Variants in CTNNAL1 observed in about 807,000 individuals in gnomAD.
CTNNAL1 encodes catenin alpha like 1.
CTNNAL1 carries 69 observed loss-of-function variants against 93.6 expected under a neutral mutation model. The observed-to-expected ratio is 0.74, with a 90% confidence interval of 0.61 to 0.90. The LOEUF is 0.90. Among genes scored for constraint, CTNNAL1 ranks in the 40% least tolerant of loss-of-function variants. The probability of loss-of-function intolerance (pLI) is 0.00; values close to 1 mark genes in which losing one functional copy is unlikely to be tolerated. For synonymous variants in CTNNAL1, 286 were observed against 305.4 expected (o/e 0.94, Z 0.66); for missense variants, 836 against 862.0 (o/e 0.97, Z 0.38).
At chr9:108,950,399 A>T in intron 14 of CTNNAL1, 1 of 1,208,330 alleles carries the variant, frequency 8.3e-7, no homozygotes. Context: ...GAAGGAAACC[A>T]CCAAAGGAAT....
intron 11 of CTNNAL1, 73 bp from the exon 12 acceptor site, chr9:108,955,900 A>G: frequency 1.1e-6 from 1 of 937,306 alleles, no homozygotes; most frequent in Non-Finnish European, 1.6e-6. Context: ...GTTAACTTTT[A>G]AAGTATTAAT....
At chr9:109,012,992 C>A (rs1037031746) in intron 1 of CTNNAL1, among the ~76,000 whole-genome samples, 1 of 152,166 alleles carries the variant, frequency 6.6e-6, no homozygotes, top group Non-Finnish European at 1.5e-5. Flanking sequence ...ATCGCCCGGC[C>A]GGGGGCACCC....
At chr9:108,984,108 C>A (rs772804014) in intron 5 of CTNNAL1, among the ~76,000 whole-genome samples, 3 of 152,158 alleles carry the variant, frequency 2.0e-5, no homozygotes, top group Non-Finnish European at 4.4e-5. Context: ...TTCATAGCAC[C>A]TAATACACCA....
intron 1 of CTNNAL1, among the ~76,000 whole-genome samples, chr9:109,006,936 C>T (rs1396846730): frequency 1.3e-5 from 2 of 152,100 alleles, no homozygotes. Context: ...TTGTACCCAT[C>T]AGCCAGGCGT....
chr9:109,006,874 A>G (rs899489652), intron 1 of CTNNAL1, among the ~76,000 whole-genome samples: 1 of 152,210 alleles, frequency 6.6e-6, no homozygotes, highest in African/African-American at 2.4e-5. Context: ...GTGGCAAGCT[A>G]TCTGACCTTT....
At chr9:108,944,538 C>T (rs1830344285) in intron 15 of CTNNAL1, among the ~76,000 whole-genome samples, 1 of 152,102 alleles carries the variant, frequency 6.6e-6, no homozygotes, top group Non-Finnish European at 1.5e-5. Flanking sequence ...TCACTATTCA[C>T]CATGTACCAT....
chr9:108,978,391 T>C (rs1268335033), intron 7 of CTNNAL1, among the ~76,000 whole-genome samples: 1 of 152,252 alleles, frequency 6.6e-6, no homozygotes, highest in Non-Finnish European at 1.5e-5. Context: ...GGAAATCAAC[T>C]GCTCCTTCTT....
intron 12 of CTNNAL1, among the ~76,000 whole-genome samples, chr9:108,954,958 C>T (rs1245515807): frequency 1.4e-5 from 2 of 141,878 alleles, no homozygotes; most frequent in African/African-American, 5.1e-5. Flanking sequence ...TGATAATCAT[C>T]AGTAATTTTA....
Position 108,955,238 on chromosome 9 carries a change from G to A in CTNNAL1, c.1629+552C>T, listed in dbSNP as rs536780350. On this transcript the variant is annotated intron_variant, in intron 12 of 18. Transcript: ENST00000325551. ...TGACCTCAGGTAATCCACCCACCTC[G>A]GCCTCCCAAAGTGCTGGGATTACAG... 4.6e-5 allele frequency among the ~76,000 whole-genome samples: 7 copies of A among 152,016 alleles called. No individual in the cohort carries two copies. In the South Asian group the frequency reaches 6.2e-4, roughly 14 times the overall value.
At chr9:109,006,769 G>A (rs1216803058) in intron 1 of CTNNAL1, among the ~76,000 whole-genome samples, 1 of 152,204 alleles carries the variant, frequency 6.6e-6, no homozygotes. Flanking sequence ...AACAAAGGGT[G>A]TCAAGAAGTG....
chr9:108,972,826 C>CTA lies in CTNNAL1; in HGVS notation c.1194_1195dup (p.Ser399IlefsTer12), dbSNP rs1162408130. ...ATCTGCTGCCAGCTGTGTCGCTGTA[C>CTA]TATGAAGCTGCAGATGTGTGTGTGG... On this transcript the variant is annotated frameshift_variant, in exon 9 of 19. Coordinates refer to ENST00000325551, the MANE Select transcript of CTNNAL1 (RefSeq NM_003798.4). LOFTEE classifies it high-confidence loss of function. The CTA allele has an allele frequency of 3.3e-6, 4 of 1,195,756 alleles. No individual in the cohort carries two copies. Among genetic ancestry groups the CTA allele is most frequent in the Non-Finnish European group, 4.4e-6 (4 of 910,540 alleles). The allele number at this position is 1,195,756 out of a possible 1,614,324, so 74.1% of individuals were successfully genotyped here. A position where few individuals can be genotyped will look rare whatever the true frequency, so the allele number is the denominator to read the frequency against.
intron 15 of CTNNAL1, among the ~76,000 whole-genome samples, chr9:108,946,984 A>C (rs754042822): frequency 6.6e-6 from 1 of 152,196 alleles, no homozygotes; most frequent in Non-Finnish European, 1.5e-5. Flanking sequence ...TCTGCTTTAC[A>C]GAAAAATCCA....
At chr9:108,953,965 G>C (rs141557428) in intron 12 of CTNNAL1, among the ~76,000 whole-genome samples, 1 of 152,234 alleles carries the variant, frequency 6.6e-6, no homozygotes, top group East Asian at 1.9e-4. Flanking sequence ...AAACATTTAA[G>C]AAAGTAAGGA....
At chr9:108,978,675 C>T (rs1416276111) in intron 7 of CTNNAL1, among the ~76,000 whole-genome samples, 1 of 152,208 alleles carries the variant, frequency 6.6e-6, no homozygotes, top group Non-Finnish European at 1.5e-5. Context: ...CCCAAATAAG[C>T]TCCTCTGTTT....
intron 1 of CTNNAL1, among the ~76,000 whole-genome samples, chr9:109,000,825 G>T (rs116976406): frequency 6.6e-6 from 1 of 152,032 alleles, no homozygotes; most frequent in South Asian, 2.1e-4. Context: ...GAGATGGGAT[G>T]GGCAGGGACC....
chr9:108,958,571 T>C (rs1316156693), intron 11 of CTNNAL1, among the ~76,000 whole-genome samples: 1 of 152,146 alleles, frequency 6.6e-6, no homozygotes, highest in African/African-American at 2.4e-5. Flanking sequence ...CTCCTCCACA[T>C]ACTATGCAGG....
intron 1 of CTNNAL1, among the ~76,000 whole-genome samples, chr9:109,002,082 C>T (rs1200040806): frequency 6.6e-6 from 1 of 152,138 alleles, no homozygotes. Context: ...AGGAAGCTGT[C>T]TTAGTTAGGG....
rs1335989806 is a variant in CTNNAL1, at chr9:108,946,088, CAA to C, written c.1885-2072_1885-2071del. On this transcript the variant is annotated intron_variant, in intron 15 of 18. Coordinates refer to ENST00000325551, the MANE Select transcript of CTNNAL1 (RefSeq NM_003798.4). Reference sequence around the variant, plus strand: ...GGCTGAGGCGGGCGAATCACAAGGTCAAGAGATCGAGACCATCCTGGCCAACA... The same window carrying C: ...GGCTGAGGCGGGCGAATCACAAGGTCGAGATCGAGACCATCCTGGCCAACA... 2.0e-5 allele frequency among the ~76,000 whole-genome samples: 3 copies of C among 152,016 alleles called. No individual in the cohort carries two copies. In the East Asian group the frequency reaches 5.8e-4, roughly 29 times the overall value.
intron 8 of CTNNAL1, among the ~76,000 whole-genome samples, chr9:108,974,117 G>A (rs376601287): frequency 1.3e-5 from 2 of 152,064 alleles, no homozygotes; most frequent in South Asian, 2.1e-4. Flanking sequence ...CAGGACAAAC[G>A]CAAAGTTCCT....
Sources: allele counts gnomAD v4.1 joint callset (sites outside exome capture counted in the v4.1 genomes callset), GRCh38; gene constraint gnomAD v4.1.1; transcripts MANE v1.5; gene names NCBI Gene and HGNC (gene_info 2026-07-23, HGNC 2026-07-21).